Variants in CDK14 observed in about 807,000 individuals in gnomAD.
The protein encoded by CDK14 is cyclin-dependent kinase 14.
Under a neutral mutation model 60.7 loss-of-function variants are expected in CDK14, and 34 were observed. That is an observed-to-expected ratio of 0.56 (90% CI 0.43 to 0.75). CDK14 has a LOEUF of 0.75. Ranked by LOEUF, CDK14 falls within the 30% of genes least tolerant of loss-of-function variation. The pLI is 0.00. For synonymous variants in CDK14, 197 were observed against 203.7 expected, an observed-to-expected ratio of 0.97 and a Z score of 0.28; for missense variants, 482 against 564.1, an observed-to-expected ratio of 0.85 and a Z score of 1.47.
intron 6 of CDK14, among the ~76,000 whole-genome samples, chr7:90,885,406 A>G (rs1395215836): frequency 6.6e-6 from 1 of 152,202 alleles, no homozygotes; most frequent in Admixed American, 6.5e-5. Flanking sequence ...CAGAATGACA[A>G]TTATTAAAAA....
At chr7:91,041,430 C>A (rs989882169) in intron 10 of CDK14, among the ~76,000 whole-genome samples, 2 of 152,102 alleles carry the variant, frequency 1.3e-5, no homozygotes, top group Non-Finnish European at 2.9e-5. Context: ...TTAATAGATC[C>A]AGAATGAAAC....
At chr7:90,956,806 T>G (rs1202371337) in intron 9 of CDK14, among the ~76,000 whole-genome samples, 3 of 128,576 alleles carry the variant, frequency 2.3e-5, no homozygotes, top group Non-Finnish European at 4.7e-5. Flanking sequence ...GATGTTCCCC[T>G]TCCTGCATCC....
intron 2 of CDK14, among the ~76,000 whole-genome samples, chr7:90,621,923 A>G (rs1451318061): frequency 2.0e-5 from 3 of 152,168 alleles, no homozygotes; most frequent in African/African-American, 7.2e-5. Flanking sequence ...CACGGCCCTC[A>G]CGCCAGTTTA....
intron 6 of CDK14, among the ~76,000 whole-genome samples, chr7:90,896,559 C>T (rs1792343906): frequency 6.6e-6 from 1 of 151,822 alleles, no homozygotes; most frequent in Admixed American, 6.6e-5. Context: ...CTGAAAATTT[C>T]AATAAATGGT....
At chr7:90,636,966 G>T (rs961672221) in intron 2 of CDK14, among the ~76,000 whole-genome samples, 3 of 151,038 alleles carry the variant, frequency 2.0e-5, no homozygotes, top group Admixed American at 1.3e-4. Context: ...TATTTCTGTG[G>T]GATCGGTGGT....
intron 7 of CDK14, among the ~76,000 whole-genome samples, chr7:90,917,314 T>C (rs1193569795): frequency 6.6e-6 from 1 of 152,172 alleles, no homozygotes; most frequent in Non-Finnish European, 1.5e-5. Context: ...AAAAATTGAT[T>C]ATTTACATTT....
At chr7:91,200,878 A>G (rs985544218) in intron 14 of CDK14, among the ~76,000 whole-genome samples, 2 of 152,254 alleles carry the variant, frequency 1.3e-5, no homozygotes, top group South Asian at 4.1e-4. Flanking sequence ...TTCATCCAAC[A>G]TGTGACTGGA....
At chr7:91,094,776 A>G (rs1464919341) in intron 12 of CDK14, among the ~76,000 whole-genome samples, 2 of 152,172 alleles carry the variant, frequency 1.3e-5, no homozygotes, top group African/African-American at 2.4e-5. Context: ...CTTTAATGCA[A>G]TATTTCAAAA....
At chr7:91,087,909 A>G (rs1358889259) in intron 12 of CDK14, among the ~76,000 whole-genome samples, 1 of 152,200 alleles carries the variant, frequency 6.6e-6, no homozygotes, top group Non-Finnish European at 1.5e-5. Context: ...CGTTGTACAT[A>G]ATTAATGCAA....
At chr7:90,786,926 CAAAAAAAAAA>C (rs34902431) in intron 4 of CDK14, among the ~76,000 whole-genome samples, 1 of 87,758 alleles carries the variant, frequency 1.1e-5, no homozygotes. Flanking sequence ...ACCCTGTCTC[CAAAAAAAAAA>C]AAAAAAAAAG....
chr7:90,869,737 C>T (rs1440481813), intron 6 of CDK14, among the ~76,000 whole-genome samples: 2 of 152,138 alleles, frequency 1.3e-5, no homozygotes, highest in African/African-American at 4.8e-5. Flanking sequence ...GCCGACACAC[C>T]TGTTGGGAAG....
chr7:91,147,956 G>T (rs771850207), intron 14 of CDK14, among the ~76,000 whole-genome samples: 1 of 152,156 alleles, frequency 6.6e-6, no homozygotes, highest in East Asian at 1.9e-4. Context: ...ATGCTTATAT[G>T]TCTATCCACA....
chr7:91,146,918 A>G (rs1800654782), intron 14 of CDK14, among the ~76,000 whole-genome samples: 1 of 152,126 alleles, frequency 6.6e-6, no homozygotes, highest in Non-Finnish European at 1.5e-5. Context: ...CCACTTTTAA[A>G]CACAATATTT....
chr7:90,691,113 G>T (rs1045106852), intron 2 of CDK14, among the ~76,000 whole-genome samples: 27 of 151,624 alleles, frequency 1.8e-4, no homozygotes, highest in Non-Finnish European at 3.4e-4. Context: ...CACACAATTT[G>T]GTGTTTTATG....
At chr7:90,819,304 T>A (rs757137255) in intron 5 of CDK14, among the ~76,000 whole-genome samples, 1 of 152,174 alleles carries the variant, frequency 6.6e-6, no homozygotes, top group Non-Finnish European at 1.5e-5. Context: ...TGATTTGTTA[T>A]GCATATGTGA....
chr7:90,848,272 T>G (rs1350042909), intron 5 of CDK14, among the ~76,000 whole-genome samples: 1 of 152,074 alleles, frequency 6.6e-6, no homozygotes, highest in Non-Finnish European at 1.5e-5. Context: ...TGGCTAAGTT[T>G]TTTAGTAGAG....
intron 5 of CDK14, among the ~76,000 whole-genome samples, chr7:90,845,483 CTTGTT>C (rs1393119373): frequency 6.7e-6 from 1 of 148,960 alleles, no homozygotes; most frequent in Non-Finnish European, 1.5e-5. Context: ...TTGAATTACT[CTTGTT>C]TTGGTTTTCT....
chr7:91,098,164 A>C (rs911950476), intron 12 of CDK14, among the ~76,000 whole-genome samples: 1 of 152,214 alleles, frequency 6.6e-6, no homozygotes, highest in African/African-American at 2.4e-5. Context: ...ATATATTTTC[A>C]AATTCCAGAT....
intron 4 of CDK14, among the ~76,000 whole-genome samples, chr7:90,749,041 T>C (rs1467546201): frequency 6.6e-6 from 1 of 152,226 alleles, no homozygotes; most frequent in Non-Finnish European, 1.5e-5. Context: ...TATATCTGTT[T>C]GTTCATGTTT....
Sources: allele counts gnomAD v4.1 joint callset (sites outside exome capture counted in the v4.1 genomes callset), GRCh38; gene constraint gnomAD v4.1.1; transcripts MANE v1.5; gene names NCBI Gene and HGNC (gene_info 2026-07-23, HGNC 2026-07-21).